Variants in INPP4B observed in about 807,000 individuals in gnomAD.
The protein encoded by INPP4B is inositol polyphosphate 4-phosphatase type II.
A neutral mutation model predicts 122.5 loss-of-function variants in INPP4B; 55 were observed. The observed-to-expected ratio is 0.45, with a 90% CI of 0.36 to 0.56. The LOEUF is 0.56. Ranked by LOEUF, INPP4B falls within the 20% of genes least tolerant of loss-of-function variation. INPP4B has a pLI of 0.00. For synonymous variants in INPP4B, 403 were observed against 388.7 expected (o/e 1.04, Z -0.43); for missense variants, 1,000 against 1,097.7 (o/e 0.91, Z 1.26).
chr4:142,600,839 G>A (rs769399102), intron 2 of INPP4B, among the ~76,000 whole-genome samples: 10 of 152,076 alleles, frequency 6.6e-5, no homozygotes, highest in Admixed American at 1.3e-4. Context: ...GTAAAAGGTT[G>A]GAGAAGTATA....
In INPP4B at chr4:142,673,739, A is replaced by G. The variant is rs75272391; in HGVS notation, c.-191+52100T>C. 5.1e-3 allele frequency among the ~76,000 whole-genome samples: 781 copies of G among 152,254 alleles called. 5 individuals are homozygous for G. Among genetic ancestry groups the G allele is most frequent in the Non-Finnish European group, 6.4e-3 (438 of 68,006 alleles). On this transcript the variant is annotated intron_variant, in intron 2 of 25. Transcript: ENST00000262992. ...CAACCTGAGTGTCAGTTGCAGCCTC[A>G]AATTTTGCTGCAGGCACAGAACTGA...
chr4:142,049,188 T>TATCA (rs1165099368), intron 25 of INPP4B, among the ~76,000 whole-genome samples: 3 of 152,050 alleles, frequency 2.0e-5, no homozygotes, highest in East Asian at 3.9e-4. Flanking sequence ...GGAAGAATCC[T>TATCA]ATCATCATAT....
intron 2 of INPP4B, among the ~76,000 whole-genome samples, chr4:142,616,650 G>A (rs1183237801): frequency 6.6e-6 from 1 of 151,950 alleles, no homozygotes; most frequent in Non-Finnish European, 1.5e-5. Flanking sequence ...ATCTTTTCAC[G>A]TGCAGCATTA....
chr4:142,561,020 A>T (rs575698873), intron 2 of INPP4B, among the ~76,000 whole-genome samples: 12 of 152,226 alleles, frequency 7.9e-5, no homozygotes, highest in Non-Finnish European at 1.6e-4. Flanking sequence ...TTTTTTCCAC[A>T]GGGAATTACT....
rs553245190 is a variant in INPP4B, at chr4:142,391,577, C to A, written c.372+11361G>T. On this transcript the variant is annotated intron_variant, in intron 7 of 25. Transcript: ENST00000262992. ...ACTGTGTCTCAAAACAAACAAAAAA[C>A]AAAACAAACAAAACAAACAAAAACA... 2.7e-3 allele frequency among the ~76,000 whole-genome samples: 399 copies of A among 149,628 alleles called. 1 individual carries two copies. Among genetic ancestry groups the A allele is most frequent in the African/African-American group, 9.2e-3 (361 of 39,270 alleles).
rs368311365 is a variant in INPP4B at position 142,706,127 on chromosome 4, C to T, written c.-191+19712G>A. Reference sequence around the variant, plus strand: ...CTACCTAAACTTCATGCTTTTACATCTCCAAACTTTGCAAATGCAATTATC... The same window carrying T: ...CTACCTAAACTTCATGCTTTTACATTTCCAAACTTTGCAAATGCAATTATC... On this transcript the variant is annotated intron_variant, in intron 2 of 25. Transcript: ENST00000262992. Among the ~76,000 whole-genome samples the T allele has an allele frequency of 7.7e-4, 118 of 152,326 alleles. No homozygotes were observed. The South Asian group carries it at 0.024, about 31-fold the overall frequency.
chr4:142,477,483 A>G (rs1819937184), intron 2 of INPP4B, among the ~76,000 whole-genome samples: 2 of 151,980 alleles, frequency 1.3e-5, no homozygotes, highest in Admixed American at 1.3e-4. Context: ...AAAAAAATAA[A>G]TCCAGAAGTT....
chr4:142,075,161 T>C (rs566298078), intron 25 of INPP4B, among the ~76,000 whole-genome samples: 3 of 152,190 alleles, frequency 2.0e-5, no homozygotes, highest in Admixed American at 6.5e-5. Flanking sequence ...TCCATTTGTA[T>C]AGCATGGTAC....
intron 1 of INPP4B, among the ~76,000 whole-genome samples, chr4:142,844,047 A>G (rs192479046): frequency 6.6e-6 from 1 of 152,322 alleles, no homozygotes; most frequent in African/African-American, 2.4e-5. Flanking sequence ...ATGATAGTAG[A>G]GCGATTTAGT....
intron 9 of INPP4B, among the ~76,000 whole-genome samples, chr4:142,281,343 T>G (rs1158569210): frequency 6.6e-6 from 1 of 151,740 alleles, no homozygotes; most frequent in East Asian, 1.9e-4. Context: ...TAAGCATTTT[T>G]TTTTTTTTGC....
chr4:142,722,453 G>A (rs889532247), intron 2 of INPP4B, among the ~76,000 whole-genome samples: 1 of 152,126 alleles, frequency 6.6e-6, no homozygotes, highest in Non-Finnish European at 1.5e-5. Context: ...AGTAGCAGGA[G>A]CTGATTCTAG....
chr4:142,472,762 C>G (rs1819107001), intron 2 of INPP4B, among the ~76,000 whole-genome samples: 2 of 151,500 alleles, frequency 1.3e-5, no homozygotes, highest in South Asian at 4.1e-4. Context: ...CTCTTCAGAT[C>G]ATTATTTCTT....
chr4:142,119,576 C>T (rs1215523850), intron 21 of INPP4B, among the ~76,000 whole-genome samples: 1 of 143,368 alleles, frequency 7.0e-6, no homozygotes, highest in Non-Finnish European at 1.5e-5. Context: ...TGTTTTCACT[C>T]ATAGGTGGGA....
intron 11 of INPP4B, among the ~76,000 whole-genome samples, chr4:142,248,587 C>T (rs114467432): frequency 0.05 from 7,607 of 151,872 alleles, 194 homozygotes; most frequent in Middle Eastern, 0.071. Context: ...GACCTGTCCA[C>T]TTCAGCCTCC....
intron 5 of INPP4B, chr4:142,427,389 A>AT: frequency 2.1e-6 from 1 of 476,208 alleles, no homozygotes; most frequent in South Asian, 3.8e-5. Context: ...AAATATATAT[A>AT]AAAAAAGAAA....
intron 1 of INPP4B, among the ~76,000 whole-genome samples, chr4:142,832,760 C>G (rs972669949): frequency 7.1e-6 from 1 of 140,936 alleles, no homozygotes; most frequent in African/African-American, 3.2e-5. Context: ...GTCTCTACTC[C>G]CCCCCCGCAT....
At chr4:142,589,707 G>A (rs1360333523) in intron 2 of INPP4B, among the ~76,000 whole-genome samples, 2 of 152,062 alleles carry the variant, frequency 1.3e-5, no homozygotes. Context: ...TACCTTGGAA[G>A]ACAATTTGGC....
chr4:142,326,836 A>T (rs1772567921), intron 7 of INPP4B, among the ~76,000 whole-genome samples: 1 of 152,162 alleles, frequency 6.6e-6, no homozygotes, highest in African/African-American at 2.4e-5. Flanking sequence ...ATTTCATTGT[A>T]GTTCTGTGTT....
chr4:142,644,624 C>T (rs981429281), intron 2 of INPP4B, among the ~76,000 whole-genome samples: 1 of 150,924 alleles, frequency 6.6e-6, no homozygotes, highest in Non-Finnish European at 1.5e-5. Context: ...AGGACAGGTG[C>T]AGCAGCTCAT....
Sources: allele counts gnomAD v4.1 joint callset (sites outside exome capture counted in the v4.1 genomes callset), GRCh38; gene constraint gnomAD v4.1.1; transcripts MANE v1.5; gene names NCBI Gene and HGNC (gene_info 2026-07-23, HGNC 2026-07-21).